The following BBS2 variants were observed in gnomAD, a reference collection of about 807,000 sequenced individuals.
BBS2 encodes Bardet-Biedl syndrome 2, also known as BBSome complex member BBS2.
Under a neutral mutation model 83.0 loss-of-function variants are expected in BBS2, and 62 were observed. The observed-to-expected ratio is 0.75, with a 90% CI of 0.61 to 0.92. The LOEUF is 0.92. Among genes scored for constraint, BBS2 ranks in the 40% least tolerant of loss-of-function variants. BBS2 has a pLI of 0.00. For missense variants in BBS2, 784 were observed against 901.0 expected, an observed-to-expected ratio of 0.87 and a Z score of 1.66; for synonymous variants, 303 against 326.1, an observed-to-expected ratio of 0.93 and a Z score of 0.76.
intron 5 of BBS2, chr16:56,509,231 G>C (rs1291034295): frequency 6.6e-6 from 1 of 152,462 alleles, no homozygotes; most frequent in Non-Finnish European, 1.5e-5. Context: ...TACAGGCGCG[G>C]TGGGTCACCC....
At chr16:56,489,916 G>T (rs1963891137) in intron 15 of BBS2, among the ~76,000 whole-genome samples, 1 of 151,992 alleles carries the variant, frequency 6.6e-6, no homozygotes, top group Admixed American at 6.6e-5. Context: ...TTGAGCCCAG[G>T]AGTTCAAGAC....
At position 56,499,662 on chromosome 16, in the gene BBS2, A is replaced by G. The variant is rs182489002; in HGVS notation, c.1527+116T>C. The G allele has an allele frequency of 8.7e-3, 12,407 of 1,424,400 alleles. 66 individuals are homozygous for G. Among genetic ancestry groups the G allele is most frequent in the Non-Finnish European group, 0.011 (11,019 of 1,017,790 alleles). The allele number at this position is 1,424,400 out of a possible 1,614,324, so 88.2% of individuals were successfully genotyped here. ...CACCCCCAAGTTAGAGAATTCTTTC[A>G]TATCATATTTACTGCTACCAATATA... On this transcript the variant is annotated intron_variant, in intron 12 of 16. Transcript: ENST00000245157.
At position 56,510,849 on chromosome 16, in the gene BBS2, C is replaced by G; in HGVS notation, c.534+10G>C. 6.2e-7 allele frequency: 1 copy of G among 1,613,548 alleles called. No individual in the cohort carries two copies. The highest frequency in any genetic ancestry group is 1.1e-5 in the South Asian group (1 of 91,058). The stretch of plus-strand genomic sequence containing the variant: ...GAACACACAAGAGAGATATCTCCTC[C>G]CCCACATACCTCTTTCTTTCCATCA... On this transcript the variant is annotated intron_variant, in intron 4 of 16. Transcript: ENST00000245157.
intron 5 of BBS2, among the ~76,000 whole-genome samples, chr16:56,507,674 A>C (rs1245129782): frequency 6.6e-6 from 1 of 152,012 alleles, no homozygotes; most frequent in Non-Finnish European, 1.5e-5. Flanking sequence ...ATACACACAA[A>C]ACAGACTCCC....
intron 17 of BBS2, among the ~76,000 whole-genome samples, chr16:56,473,708 T>G (rs1352178575): frequency 6.6e-6 from 1 of 152,250 alleles, no homozygotes; most frequent in Non-Finnish European, 1.5e-5. Context: ...ACTTGATTTT[T>G]TTTTTTCATG....
intron 1 of BBS2, 112 bp downstream of exon 1, chr16:56,519,634 G>C (rs535087500): frequency 4.7e-6 from 4 of 844,318 alleles, no homozygotes. Context: ...CCGGTTGCCG[G>C]GCAACACGGG....
intron 17 of BBS2, chr16:56,475,524 G>T: frequency 6.2e-7 from 1 of 1,614,048 alleles, no homozygotes; most frequent in South Asian, 1.1e-5. Context: ...GCCAGAATAT[G>T]GCGGTTTTAC....
intron 2 of BBS2, 106 bp from the exon 3 acceptor site, chr16:56,511,390 A>G: frequency 6.8e-7 from 1 of 1,477,434 alleles, no homozygotes. Flanking sequence ...AGTAAAACAG[A>G]TTATTATCCA....
At chr16:56,476,000 A>G (rs1963454895) in intron 17 of BBS2, 3 of 1,538,912 alleles carry the variant, frequency 1.9e-6, no homozygotes, top group African/African-American at 2.8e-5. Context: ...AGATTTGAGA[A>G]TAAGTTCTGT....
intron 15 of BBS2, among the ~76,000 whole-genome samples, chr16:56,490,005 T>TGG (rs201313155): frequency 0.024 from 3,597 of 151,784 alleles, 69 homozygotes; most frequent in East Asian, 0.057. Flanking sequence ...TAGTCCCAGC[T>TGG]ACTCCAGCAG....
At chr16:56,478,183 G>A (rs1417754864) in intron 17 of BBS2, 1 of 151,980 alleles carries the variant, frequency 6.6e-6, no homozygotes, top group Non-Finnish European at 1.5e-5. Context: ...GTTTGAGATG[G>A]AGTCTCACTC....
In BBS2 at chr16:56,515,526, A is replaced by G. The variant is rs542025198; in HGVS notation, c.118-846T>C. On this transcript the variant is annotated intron_variant, in intron 1 of 16. Transcript: ENST00000245157. ...CTAAAAAAGTTCCAAGGTGGGCAAT[A>G]TGACCAAAAAGGTTGGGAGGATGAA... Among the ~76,000 whole-genome samples, 232 of 152,316 alleles carry G rather than the reference A, an allele frequency of 1.5e-3. 2 individuals are homozygous for G. Among genetic ancestry groups the G allele is most frequent in the South Asian group, 2.7e-3 (13 of 4,828 alleles).
intron 13 of BBS2, 142 bp downstream of exon 13, chr16:56,498,295 T>C (rs1376130368): frequency 1.3e-5 from 14 of 1,113,930 alleles, no homozygotes; most frequent in Non-Finnish European, 1.8e-5. Context: ...TTTTATGACC[T>C]TGACATTGAT....
At chr16:56,507,542 C>T (rs1172262216) in intron 5 of BBS2, among the ~76,000 whole-genome samples, 1 of 152,188 alleles carries the variant, frequency 6.6e-6, no homozygotes, top group African/African-American at 2.4e-5. Flanking sequence ...GAATTCGGGA[C>T]ACACCATCTA....
At chr16:56,492,214 C>T (rs1160809509) in intron 15 of BBS2, among the ~76,000 whole-genome samples, 2 of 152,008 alleles carry the variant, frequency 1.3e-5, no homozygotes, top group Admixed American at 1.3e-4. Context: ...AGCACTCCCA[C>T]GTTCATCACC....
In BBS2 at chr16:56,514,709, C is replaced by T. The variant is rs1964684796; in HGVS notation, c.118-29G>A. The T allele has an allele frequency of 8.6e-6, 13 of 1,511,562 alleles. No homozygotes were observed. The East Asian group carries it at 3.0e-4, about 35-fold the overall frequency. The allele number at this position is 1,511,562 out of a possible 1,614,324, so 93.6% of individuals were successfully genotyped here. On this transcript the variant is annotated intron_variant, in intron 1 of 16. Coordinates refer to ENST00000245157, the MANE Select transcript of BBS2 (RefSeq NM_031885.5). ...AAACAAAAATAACTAATTACATTCCCTTAAAATATAAAAAATTAGTATCAT... is the reference window on the plus strand; with the variant it reads ...AAACAAAAATAACTAATTACATTCCTTTAAAATATAAAAAATTAGTATCAT...
intron 15 of BBS2, among the ~76,000 whole-genome samples, chr16:56,490,300 TG>T (rs1818350234): frequency 6.6e-6 from 1 of 152,104 alleles, no homozygotes; most frequent in Non-Finnish European, 1.5e-5. Flanking sequence ...GGAAAACAGA[TG>T]AATTACTCTA....
Position 56,506,055 on chromosome 16 carries a change from A to T in BBS2, c.718-19T>A, listed in dbSNP as rs748770884. ...TTTTCGACTGAAAAAGAATTTTAAT[A>T]ATTAGCACAGAAGTCTCACAATAAC... On this transcript the variant is annotated intron_variant, in intron 6 of 16. Coordinates refer to ENST00000245157, the MANE Select transcript of BBS2 (RefSeq NM_031885.5). The T allele has an allele frequency of 3.7e-6, 6 of 1,612,550 alleles. No individual in the cohort carries two copies. In the East Asian group the frequency reaches 1.3e-4, roughly 36 times the overall value.
chr16:56,481,444 G>A (rs1171200088), downstream of BBS2, among the ~76,000 whole-genome samples: 6 of 152,104 alleles, frequency 3.9e-5, no homozygotes, highest in Admixed American at 1.3e-4. Context: ...GCATTTGAGC[G>A]GGGCTTTGAG....
Sources: allele counts gnomAD v4.1 joint callset (sites outside exome capture counted in the v4.1 genomes callset), GRCh38; gene constraint gnomAD v4.1.1; transcripts MANE v1.5; gene names NCBI Gene and HGNC (gene_info 2026-07-23, HGNC 2026-07-21).